Variants in PHACTR3 observed in about 807,000 individuals in gnomAD.
The protein encoded by PHACTR3 is phosphatase and actin regulator 3.
A neutral mutation model predicts 66.8 loss-of-function variants in PHACTR3; 16 were observed. The ratio of observed to expected loss-of-function variants is 0.24; its 90% CI spans 0.16 to 0.36. The LOEUF (loss-of-function observed/expected upper bound fraction) is 0.36, where lower values mean the gene tolerates loss of function less well. Among genes scored for constraint, PHACTR3 ranks in the 10% least tolerant of loss-of-function variants. The pLI, the probability that PHACTR3 is intolerant of heterozygous loss-of-function variation, is 1.00. For missense variants in PHACTR3, 647 were observed against 719.9 expected (o/e 0.90, Z 1.16); for synonymous variants, 323 against 292.1 (o/e 1.11, Z -1.08).
rs2033604114 is a variant in PHACTR3 at position 59,604,912 on chromosome 20, T to C, written c.-103T>C. The C allele has an allele frequency of 1.7e-6, 2 of 1,199,750 alleles. No homozygotes were observed. Among genetic ancestry groups the C allele is most frequent in the South Asian group, 4.3e-5 (1 of 23,172 alleles). The allele number at this position is 1,199,750 out of a possible 1,614,324, so 74.3% of individuals were successfully genotyped here. ...TTTTTTTTTTTTTAATTTTCTTTTTTAAAAAGACGCCCCCTCCAGCCCCCT... is the reference window on the plus strand; with the variant it reads ...TTTTTTTTTTTTTAATTTTCTTTTTCAAAAAGACGCCCCCTCCAGCCCCCT... On this transcript the variant is annotated 5_prime_UTR_variant, in exon 1 of 13. Transcript: ENST00000371015.
At chr20:59,724,014 T>C (rs2038455276) in intron 1 of PHACTR3, among the ~76,000 whole-genome samples, 1 of 152,130 alleles carries the variant, frequency 6.6e-6, no homozygotes, top group South Asian at 2.1e-4. Flanking sequence ...CTCACCTCCT[T>C]GCCCACACCT....
In PHACTR3 at chr20:59,829,160, C is replaced by CA. The variant is rs1248147774; in HGVS notation, c.1329-7344dup. On this transcript the variant is annotated intron_variant, in intron 8 of 12. Transcript: ENST00000371015. This position sits in a 1 kb window ranked among gnomAD's most constrained non-coding sequence, Gnocchi z 4.2. ...GGTGTGAAAAGGTCGGCTTTGGACT[C>CA]AGAGTGCCTGGAGTCACATCCTCCC... 6.6e-6 allele frequency among the ~76,000 whole-genome samples: 1 copy of CA among 152,112 alleles called. No individual in the cohort carries two copies.
intron 7 of PHACTR3, among the ~76,000 whole-genome samples, chr20:59,786,177 T>G (rs2040908269): frequency 6.6e-6 from 1 of 152,244 alleles, no homozygotes; most frequent in South Asian, 2.1e-4. Context: ...CCCCAGCTTC[T>G]GCGTGTGTGC....
chr20:59,790,018 C>T (rs1201793663), intron 7 of PHACTR3, among the ~76,000 whole-genome samples: 1 of 152,244 alleles, frequency 6.6e-6, no homozygotes, highest in Non-Finnish European at 1.5e-5. Context: ...TAAATTCCAA[C>T]ATGCAGGCTA....
At chr20:59,678,923 GCC>G in intron 1 of PHACTR3, among the ~76,000 whole-genome samples, 1 of 132,058 alleles carries the variant, frequency 7.6e-6, no homozygotes, top group Non-Finnish European at 1.6e-5. Flanking sequence ...GGCAATTGCA[GCC>G]CCACTGGCAG....
chr20:59,652,374 T>C (rs1410934039), intron 1 of PHACTR3, among the ~76,000 whole-genome samples: 1 of 151,920 alleles, frequency 6.6e-6, no homozygotes, highest in Non-Finnish European at 1.5e-5. Context: ...CAAGACCCCA[T>C]CTCTGAAAAA....
intron 1 of PHACTR3, 104 bp from the exon 2 acceptor site, chr20:59,743,003 G>A (rs1369472613): frequency 3.8e-6 from 5 of 1,299,982 alleles, no homozygotes; most frequent in Non-Finnish European, 5.3e-6. Flanking sequence ...GGCTTTGGGG[G>A]GATCACTGGT....
intron 8 of PHACTR3, among the ~76,000 whole-genome samples, chr20:59,834,904 A>C (rs1205421227): frequency 6.6e-6 from 1 of 152,206 alleles, no homozygotes; most frequent in Non-Finnish European, 1.5e-5. Flanking sequence ...CATAAAATAC[A>C]CTAACGATAG....
At chr20:59,654,313 A>G (rs1379753479) in intron 1 of PHACTR3, among the ~76,000 whole-genome samples, 2 of 152,214 alleles carry the variant, frequency 1.3e-5, no homozygotes, top group Non-Finnish European at 2.9e-5. Context: ...TCTTCTTTAT[A>G]GAAAAATTTT....
intron 1 of PHACTR3, among the ~76,000 whole-genome samples, chr20:59,635,169 C>CT (rs1555881178): frequency 1.8e-5 from 1 of 55,374 alleles, no homozygotes; most frequent in South Asian, 7.8e-4. Flanking sequence ...TTCTTTCTTT[C>CT]CTTTCTTTCT....
At chr20:59,816,458 G>C (rs1403867047) in intron 8 of PHACTR3, among the ~76,000 whole-genome samples, 2 of 152,198 alleles carry the variant, frequency 1.3e-5, no homozygotes, top group Non-Finnish European at 2.9e-5. Flanking sequence ...TTGCATGTGA[G>C]GAAATGGAGG....
rs117417888 is a variant in PHACTR3 at position 59,733,326 on chromosome 20, A to G, written c.119-9781A>G. Among the ~76,000 whole-genome samples the G allele has an allele frequency of 2.2e-4, 34 of 152,234 alleles. No individual in the cohort carries two copies. In the East Asian group the frequency reaches 5.8e-3, roughly 26 times the overall value. On this transcript the variant is annotated intron_variant, in intron 1 of 12. Transcript: ENST00000371015. ...TTTTACATTTGGGAGATTGAAATCTATTTCTAAAACTTGATTTTGGAGGTT... is the reference window on the plus strand; with the variant it reads ...TTTTACATTTGGGAGATTGAAATCTGTTTCTAAAACTTGATTTTGGAGGTT...
chr20:59,694,461 A>C (rs2146590553), intron 1 of PHACTR3, among the ~76,000 whole-genome samples: 1 of 152,040 alleles, frequency 6.6e-6, no homozygotes. Flanking sequence ...GAAGGCAGGA[A>C]GGGAGTGAAT....
intron 1 of PHACTR3, among the ~76,000 whole-genome samples, chr20:59,660,457 G>A (rs1404269927): frequency 6.6e-6 from 1 of 152,244 alleles, no homozygotes; most frequent in Non-Finnish European, 1.5e-5. Flanking sequence ...TTGCGCCACT[G>A]CACTCCAGCC....
upstream of PHACTR3, among the ~76,000 whole-genome samples, chr20:59,601,373 T>C (rs950180549): frequency 3.9e-5 from 6 of 152,266 alleles, no homozygotes; most frequent in African/African-American, 1.4e-4. Context: ...CATTTATCAG[T>C]CCATGGACAT....
At chr20:59,841,661 A>G in intron 11 of PHACTR3, 126 bp downstream of exon 11, 1 of 988,770 alleles carries the variant, frequency 1.0e-6, no homozygotes, top group East Asian at 3.0e-5. Context: ...TGCAGTAAAT[A>G]TTGGTTTCTC....
chr20:59,788,259 C>A (rs1442261901), intron 7 of PHACTR3, among the ~76,000 whole-genome samples: 2 of 152,198 alleles, frequency 1.3e-5, no homozygotes, highest in Non-Finnish European at 2.9e-5. Flanking sequence ...CAATCTCATC[C>A]ACGTCATCGT....
At chr20:59,782,617 G>A (rs536139878) in intron 7 of PHACTR3, among the ~76,000 whole-genome samples, 3 of 152,290 alleles carry the variant, frequency 2.0e-5, no homozygotes, top group Admixed American at 1.3e-4. Flanking sequence ...CATGGTGGCA[G>A]GCAAGAGAGA....
intron 1 of PHACTR3, among the ~76,000 whole-genome samples, chr20:59,648,518 C>A (rs2035359192): frequency 1.3e-5 from 2 of 152,204 alleles, no homozygotes; most frequent in East Asian, 1.9e-4. Flanking sequence ...TCTTTAAAAT[C>A]TCCTCGTGAT....
Sources: allele counts gnomAD v4.1 joint callset (sites outside exome capture counted in the v4.1 genomes callset), GRCh38; gene constraint gnomAD v4.1.1; non-coding constraint Gnocchi (gnomAD v3.1); transcripts MANE v1.5; gene names NCBI Gene and HGNC (gene_info 2026-07-23, HGNC 2026-07-21).